Variants in RASGEF1C observed in about 807,000 individuals in gnomAD.
RASGEF1C encodes the protein ras-GEF domain-containing family member 1C.
A neutral mutation model predicts 58.1 loss-of-function variants in RASGEF1C; 27 were observed. The observed-to-expected ratio is 0.46, with a 90% CI of 0.34 to 0.64. The LOEUF is 0.64. RASGEF1C is among the 30% of genes least tolerant of loss of function. The probability of loss-of-function intolerance (pLI) is 0.01; values close to 1 mark genes in which losing one functional copy is unlikely to be tolerated. For synonymous variants in RASGEF1C, 243 were observed against 246.3 expected (o/e 0.99, Z 0.13); for missense variants, 502 against 605.1 (o/e 0.83, Z 1.79).
chr5:180,186,162 G>C (rs982104998), intron 1 of RASGEF1C, among the ~76,000 whole-genome samples: 1 of 147,780 alleles, frequency 6.8e-6, no homozygotes, highest in Non-Finnish European at 1.5e-5. Context: ...ATTCAACATT[G>C]TACTAGGCGT....
At chr5:180,109,549 C>G (rs1765927050) in intron 12 of RASGEF1C, among the ~76,000 whole-genome samples, 1 of 152,144 alleles carries the variant, frequency 6.6e-6, no homozygotes, top group African/African-American at 2.4e-5. Context: ...CCTTCTATGG[C>G]AAAAAGGAAC....
intron 1 of RASGEF1C, among the ~76,000 whole-genome samples, chr5:180,173,889 GGC>G (rs1767164249): frequency 1.4e-5 from 2 of 142,544 alleles, no homozygotes; most frequent in Non-Finnish European, 3.0e-5. Context: ...CTCCAGCCTG[GGC>G]AACAGAGCGA....
Position 180,111,520 on chromosome 5 carries a change from G to T in RASGEF1C, c.1240C>A (p.Pro414Thr), listed in dbSNP as rs1765960140. ...EFITWKQVEC[P>T]FEQDASITHY... The stretch of plus-strand genomic sequence containing the variant: ...GTGATGCTGGCGTCTTGCTCGAAGG[G>T]ACACTCCACTTGTTTCCAGGTGATG... The change falls in exon 12 of 14, where the codon CCC becomes ACC. Residue 414 changes from proline (P) to threonine (T), a missense_variant. Pro to Thr is a conservative substitution (Grantham distance 38). Coordinates refer to ENST00000361132, the MANE Select transcript of RASGEF1C (RefSeq NM_175062.4). 1.2e-6 allele frequency: 2 copies of T among 1,614,090 alleles called. No individual in the cohort carries two copies. Among genetic ancestry groups the T allele is most frequent in the Non-Finnish European group, 1.7e-6 (2 of 1,180,026 alleles).
intron 1 of RASGEF1C, among the ~76,000 whole-genome samples, chr5:180,181,550 GAGC>G (rs1200568683): frequency 6.6e-6 from 1 of 152,194 alleles, no homozygotes; most frequent in Non-Finnish European, 1.5e-5. Flanking sequence ...CACACAGGAA[GAGC>G]ACCATGTGAC....
intron 1 of RASGEF1C, among the ~76,000 whole-genome samples, chr5:180,206,694 A>T (rs1334898408): frequency 6.6e-6 from 1 of 152,250 alleles, no homozygotes; most frequent in African/African-American, 2.4e-5. Flanking sequence ...GTTCATCCAG[A>T]GGACATAATT....
At chr5:180,108,634 T>C (rs1395605046) in intron 12 of RASGEF1C, among the ~76,000 whole-genome samples, 1 of 152,248 alleles carries the variant, frequency 6.6e-6, no homozygotes, top group Non-Finnish European at 1.5e-5. Context: ...ATCTCAGTTA[T>C]TGTATTTTTC....
rs1756310861 is a variant in RASGEF1C, at chr5:180,198,002, GGT to G, written c.-7+11024_-7+11025del. ...CGGAAGGCATTGAACTGGCAACAGC[GGT>G]GCCTGAGTTAGCGTATTCCAAATTC... On this transcript the variant is annotated intron_variant, in intron 1 of 13. Transcript: ENST00000361132. This position sits in a 1 kb window ranked among gnomAD's most constrained non-coding sequence, Gnocchi z 4.5. 6.6e-6 allele frequency among the ~76,000 whole-genome samples: 1 copy of G among 152,180 alleles called. No homozygotes were observed. The highest frequency in any genetic ancestry group is 2.1e-4 in the South Asian group (1 of 4,828).
chr5:180,103,299 G>A (rs183991227), intron 12 of RASGEF1C, among the ~76,000 whole-genome samples: 1,693 of 152,204 alleles, frequency 0.011, 35 homozygotes, highest in African/African-American at 0.036. Context: ...GGATGGTCTC[G>A]ATCTCCTGAC....
chr5:180,159,237 T>C (rs1475507140), intron 1 of RASGEF1C, among the ~76,000 whole-genome samples: 1 of 151,978 alleles, frequency 6.6e-6, no homozygotes, highest in Non-Finnish European at 1.5e-5. Flanking sequence ...CCTCCCAGGT[T>C]CAAGCGATTC....
intron 7 of RASGEF1C, among the ~76,000 whole-genome samples, 180 bp from the exon 8 acceptor site, chr5:180,119,628 C>G (rs1374297659): frequency 6.6e-6 from 1 of 152,172 alleles, no homozygotes; most frequent in Non-Finnish European, 1.5e-5. Context: ...GAGCCCAATG[C>G]CATAGAGGGC....
At chr5:180,101,636 G>T in intron 13 of RASGEF1C, 111 bp from the exon 14 acceptor site, 1 of 1,335,894 alleles carries the variant, frequency 7.5e-7, no homozygotes, top group Non-Finnish European at 1.0e-6. Context: ...CCAGCCTCCT[G>T]CCCCAGAGGG....
intron 11 of RASGEF1C, among the ~76,000 whole-genome samples, chr5:180,114,121 T>C (rs1167043347): frequency 6.6e-6 from 1 of 152,176 alleles, no homozygotes; most frequent in Non-Finnish European, 1.5e-5. Context: ...ACAGCCCCTG[T>C]CACAGCACCT....
In RASGEF1C at chr5:180,156,047, C is replaced by G. The variant is rs1474344464; in HGVS notation, c.-6-17989G>C. ...CCAGGACCCAGGCTAATAAAAAGAG[C>G]GTTACCAGTACCTTAAAATCCCTAA... On this transcript the variant is annotated intron_variant, in intron 1 of 13. Transcript: ENST00000361132. This position sits in a 1 kb window ranked among gnomAD's most constrained non-coding sequence, Gnocchi z 4.9. 6.6e-6 allele frequency among the ~76,000 whole-genome samples: 1 copy of G among 152,176 alleles called. No homozygotes were observed. The highest frequency in any genetic ancestry group is 1.5e-5 in the Non-Finnish European group (1 of 68,028).
Position 180,103,324 on chromosome 5 carries a change from G to C in RASGEF1C, c.1304-1181C>G, listed in dbSNP as rs188383173. The stretch of plus-strand genomic sequence containing the variant: ...GATCTCCTGACCTTGTGATCCGCCC[G>C]CCTCGGCCTCCCAGAGTGCTGAGAT... On this transcript the variant is annotated intron_variant, in intron 12 of 13. Transcript: ENST00000361132. 4.6e-5 allele frequency among the ~76,000 whole-genome samples: 7 copies of C among 152,146 alleles called. No individual in the cohort carries two copies. In the East Asian group the frequency reaches 1.3e-3, roughly 29 times the overall value.
intron 1 of RASGEF1C, among the ~76,000 whole-genome samples, chr5:180,159,498 T>A (rs1766903837): frequency 6.6e-6 from 1 of 152,218 alleles, no homozygotes; most frequent in Non-Finnish European, 1.5e-5. Flanking sequence ...TTCCTCCAAT[T>A]TGCCTTTTTT....
At chr5:180,180,710 G>T (rs1438895633) in intron 1 of RASGEF1C, among the ~76,000 whole-genome samples, 1 of 152,214 alleles carries the variant, frequency 6.6e-6, no homozygotes, top group African/African-American at 2.4e-5. Context: ...AGCCAGCATG[G>T]CTGTGGTTGT....
Position 180,152,161 on chromosome 5 carries a change from C to T in RASGEF1C, c.-6-14103G>A, listed in dbSNP as rs373200828. 7.8e-3 allele frequency among the ~76,000 whole-genome samples: 1,187 copies of T among 151,994 alleles called. 16 individuals are homozygous for T. Among genetic ancestry groups the T allele is most frequent in the African/African-American group, 0.027 (1,124 of 41,506 alleles). On this transcript the variant is annotated intron_variant, in intron 1 of 13. Transcript: ENST00000361132. ...TCAACCATTGTGGAAGTCAGTGTGG[C>T]GATCCCTCAGGGATCTAGAACTAGA...
chr5:180,174,983 G>A (rs895799935), intron 1 of RASGEF1C, among the ~76,000 whole-genome samples: 18 of 152,170 alleles, frequency 1.2e-4, no homozygotes, highest in African/African-American at 3.9e-4. Context: ...GGGTTGCCAG[G>A]CACAGGGACT....
At chr5:180,173,682 A>ATGCT (rs1767152359) in intron 1 of RASGEF1C, among the ~76,000 whole-genome samples, 1 of 151,412 alleles carries the variant, frequency 6.6e-6, no homozygotes, top group Non-Finnish European at 1.5e-5. Context: ...TGGGAGGCCA[A>ATGCT]GGTGGGCAGA....
Sources: allele counts gnomAD v4.1 joint callset (sites outside exome capture counted in the v4.1 genomes callset), GRCh38; gene constraint gnomAD v4.1.1; non-coding constraint Gnocchi (gnomAD v3.1); transcripts MANE v1.5; gene names NCBI Gene and HGNC (gene_info 2026-07-23, HGNC 2026-07-21).